Variants in AMDHD2 observed in about 807,000 individuals in gnomAD.
AMDHD2 encodes amidohydrolase domain containing 2.
Under a neutral mutation model 41.8 loss-of-function variants are expected in AMDHD2, and 24 were observed. That is an observed-to-expected ratio of 0.57 (90% CI 0.42 to 0.81). AMDHD2 has a LOEUF of 0.81. AMDHD2 is among the 30% of genes least tolerant of loss of function. The pLI is 0.00. For missense variants in AMDHD2, 540 were observed against 588.5 expected, an observed-to-expected ratio of 0.92 and a Z score of 0.85; for synonymous variants, 332 against 255.5, an observed-to-expected ratio of 1.30 and a Z score of -2.85.
chr16:2,530,274 TG>T lies in AMDHD2; in HGVS notation c.*712del, dbSNP rs1374039687. ...ATCCCCAGGCCCAGTGCTTGCCGGCTGTGGTGACCCTGCCTGGTGCTGGAGG... is the reference window on the plus strand; with the variant it reads ...ATCCCCAGGCCCAGTGCTTGCCGGCTTGGTGACCCTGCCTGGTGCTGGAGG... On this transcript the variant is annotated 3_prime_UTR_variant, in exon 11 of 11. Transcript: ENST00000293971. 2 of 1,612,640 alleles carry T rather than the reference TG, an allele frequency of 1.2e-6. No individual in the cohort carries two copies.
intron 3 of AMDHD2, among the ~76,000 whole-genome samples, chr16:2,524,137 C>A (rs1263087790): frequency 6.6e-6 from 1 of 152,238 alleles, no homozygotes; most frequent in Non-Finnish European, 1.5e-5. Flanking sequence ...AAACTGGAGG[C>A]CCCTTTTCAC....
Position 2,527,475 on chromosome 16 carries a change from T to G in AMDHD2, c.361-86T>G. ...GGGCTGGGTGCTGGGCTCTGAACTCTGACCTGAGATCTCTGGCCTTGGCTA... is the reference window on the plus strand; with the variant it reads ...GGGCTGGGTGCTGGGCTCTGAACTCGGACCTGAGATCTCTGGCCTTGGCTA... On this transcript the variant is annotated intron_variant, in intron 3 of 10. Transcript: ENST00000293971. The surrounding 1 kb of genome is among the most constrained non-coding windows in gnomAD (Gnocchi z 6.1). The G allele has an allele frequency of 6.8e-7, 1 of 1,477,454 alleles. No individual in the cohort carries two copies. Among genetic ancestry groups the G allele is most frequent in the South Asian group, 1.2e-5 (1 of 83,352 alleles). The allele number at this position is 1,477,454 out of a possible 1,614,324, so 91.5% of individuals were successfully genotyped here.
chr16:2,529,389 A>G (rs553849116), intron 10 of AMDHD2, 86 bp from the exon 11 acceptor site: 1 of 1,580,900 alleles, frequency 6.3e-7, no homozygotes, highest in East Asian at 2.2e-5. Flanking sequence ...CAGTTTCCCC[A>G]CCAGCGTCGG....
At chr16:2,521,174 C>A (rs754057845) in intron 3 of AMDHD2, 51 bp downstream of exon 3, 4 of 1,499,366 alleles carry the variant, frequency 2.7e-6, no homozygotes, top group Admixed American at 2.3e-5. Context: ...GAGCAACCAG[C>A]GCCCTCATTT....
intron 3 of AMDHD2, among the ~76,000 whole-genome samples, chr16:2,523,913 C>T (rs1334932596): frequency 6.6e-6 from 1 of 152,244 alleles, no homozygotes. Context: ...CCCCACTGTG[C>T]CCCCCACTGC....
Position 2,530,973 on chromosome 16 carries a change from C to T in AMDHD2, c.*1410C>T. The T allele has an allele frequency of 1.9e-6, 3 of 1,613,498 alleles. No individual in the cohort carries two copies. Among genetic ancestry groups the T allele is most frequent in the Non-Finnish European group, 2.5e-6 (3 of 1,179,920 alleles). On this transcript the variant is annotated 3_prime_UTR_variant, in exon 11 of 11. Coordinates refer to ENST00000293971, the MANE Select transcript of AMDHD2 (RefSeq NM_001330449.2). ...TGGGAGAGGAGCTGTCTTGCCAGGGCTCCCAGGCAGGGAGAGGCAGGTGAG... is the reference window on the plus strand; with the variant it reads ...TGGGAGAGGAGCTGTCTTGCCAGGGTTCCCAGGCAGGGAGAGGCAGGTGAG...
chr16:2,528,379 G>C lies in AMDHD2; in HGVS notation c.861G>C (p.Gln287His). ...ALRIAHRAHP[Q>H]GLVLVTDAIP... Reference sequence around the variant, plus strand: ...GGATCGCCCACCGTGCCCATCCCCAGGGTAAGCTGCGGCAGGTGGCCAGGA... The same window carrying C: ...GGATCGCCCACCGTGCCCATCCCCACGGTAAGCTGCGGCAGGTGGCCAGGA... Residue 287 changes from glutamine (Q) to histidine (H), a missense_variant and splice_region_variant, in exon 7 of 11, where the codon CAG becomes CAC. Gln to His is a conservative substitution (Grantham distance 24, BLOSUM62 0). Coordinates refer to ENST00000293971, the MANE Select transcript of AMDHD2 (RefSeq NM_001330449.2). The C allele has an allele frequency of 2.5e-6, 4 of 1,612,950 alleles. No homozygotes were observed. Among genetic ancestry groups the C allele is most frequent in the Non-Finnish European group, 3.4e-6 (4 of 1,179,940 alleles).
intron 3 of AMDHD2, among the ~76,000 whole-genome samples, chr16:2,526,517 T>C (rs1802074642): frequency 6.6e-6 from 1 of 152,114 alleles, no homozygotes; most frequent in South Asian, 2.1e-4. Context: ...TGGGGGTCAC[T>C]TCCCCCACTG....
chr16:2,522,009 CT>C (rs2065946798), intron 3 of AMDHD2, among the ~76,000 whole-genome samples: 1 of 152,114 alleles, frequency 6.6e-6, no homozygotes, highest in Non-Finnish European at 1.5e-5. Context: ...TGGTCTCGAT[CT>C]CCTGACCTCG....
At chr16:2,525,543 T>TTTTA (rs1361293615) in intron 3 of AMDHD2, among the ~76,000 whole-genome samples, 2 of 151,374 alleles carry the variant, frequency 1.3e-5, no homozygotes, top group Non-Finnish European at 2.9e-5. Context: ...ATTTATTTAT[T>TTTTA]TTTATTTATT....
chr16:2,521,880 G>C (rs1024342383), intron 3 of AMDHD2, among the ~76,000 whole-genome samples: 1 of 151,284 alleles, frequency 6.6e-6, no homozygotes. Context: ...GCCCCCCAGG[G>C]TTCACGCCAT....
chr16:2,525,499 T>A (rs1288386815), intron 3 of AMDHD2, among the ~76,000 whole-genome samples: 1 of 152,068 alleles, frequency 6.6e-6, no homozygotes, highest in Non-Finnish European at 1.5e-5. Flanking sequence ...CCTGAGTAGC[T>A]GGGACTACAG....
In AMDHD2 at chr16:2,521,940, T is replaced by G. The variant is rs957540612; in HGVS notation, c.360+817T>G. Among the ~76,000 whole-genome samples the G allele has an allele frequency of 2.0e-5, 3 of 151,938 alleles. No individual in the cohort carries two copies. The South Asian group carries it at 6.3e-4, about 32-fold the overall frequency. Reference sequence around the variant, plus strand: ...GCTGGGACTACAGGTGCCCGCCACCTCGCCCGGCTAATTTTTTGTATTTTT... The same window carrying G: ...GCTGGGACTACAGGTGCCCGCCACCGCGCCCGGCTAATTTTTTGTATTTTT... On this transcript the variant is annotated intron_variant, in intron 3 of 10. Coordinates refer to ENST00000293971, the MANE Select transcript of AMDHD2 (RefSeq NM_001330449.2).
At position 2,527,656 on chromosome 16, in the gene AMDHD2, T is replaced by C. The variant is rs891208062; in HGVS notation, c.415+41T>C. 6.3e-7 allele frequency: 1 copy of C among 1,590,178 alleles called. No individual in the cohort carries two copies. ...CCTCCCCGCCCCCACCCTGGGAGGCTCCTGCGGGACCTGTTGGCAGCCCCC... is the reference window on the plus strand; with the variant it reads ...CCTCCCCGCCCCCACCCTGGGAGGCCCCTGCGGGACCTGTTGGCAGCCCCC... On this transcript the variant is annotated intron_variant, in intron 4 of 10. Coordinates refer to ENST00000293971, the MANE Select transcript of AMDHD2 (RefSeq NM_001330449.2). This position sits in a 1 kb window ranked among gnomAD's most constrained non-coding sequence, Gnocchi z 6.1.
rs2066038561 is a variant in AMDHD2 at position 2,528,514 on chromosome 16, G to T, written c.925G>T (p.Gly309Ter). The T allele has an allele frequency of 6.2e-7, 1 of 1,612,866 alleles. No individual in the cohort carries two copies. Among genetic ancestry groups the T allele is most frequent in the African/African-American group, 1.3e-5 (1 of 75,048 alleles). ...LGLGNGRHTL[G>*]QQEVEVDGLT... ...CCTGGGCAACGGCCGGCACACGCTG[G>T]GACAGCAGGAAGTGGAAGTGGACGG... is the stretch of plus-strand genomic sequence containing the variant. Residue 309 changes from glycine (G) to a stop codon, truncating the protein, a stop_gained, in exon 8 of 11, where the codon GGA becomes TGA. Transcript: ENST00000293971. LOFTEE classifies it high-confidence loss of function.
chr16:2,527,130 CG>C lies in AMDHD2; in HGVS notation c.361-430del, dbSNP rs1567130930. 1 of 218,198 alleles carries C rather than the reference CG, an allele frequency of 4.6e-6. No individual in the cohort carries two copies. Among genetic ancestry groups the C allele is most frequent in the East Asian group, 1.5e-4 (1 of 6,492 alleles). The allele number at this position is 218,198 out of a possible 1,614,324, so 13.5% of individuals were successfully genotyped here. ...TGTGTGGTGTGAGCCCGTGTCCCCC[CG>C]TTCCCTGACACACTCGGTCTTCCTG... On this transcript the variant is annotated intron_variant, in intron 3 of 10. Coordinates refer to ENST00000293971, the MANE Select transcript of AMDHD2 (RefSeq NM_001330449.2). The surrounding 1 kb of genome is among the most constrained non-coding windows in gnomAD (Gnocchi z 6.1).
chr16:2,524,847 C>T (rs367901398), intron 3 of AMDHD2, among the ~76,000 whole-genome samples: 2 of 152,228 alleles, frequency 1.3e-5, no homozygotes, highest in Admixed American at 6.5e-5. Flanking sequence ...TAGCCCCTTT[C>T]TCTCCTCTCA....
chr16:2,529,417 C>T (rs2066054897), intron 10 of AMDHD2, 58 bp from the exon 11 acceptor site: 1 of 1,599,452 alleles, frequency 6.3e-7, no homozygotes, highest in Admixed American at 1.7e-5. Flanking sequence ...GGGAGCAGCT[C>T]TGGGGTAGGT....
chr16:2,528,580 G>T (rs1338111098), intron 8 of AMDHD2, 21 bp downstream of exon 8: 1 of 1,612,624 alleles, frequency 6.2e-7, no homozygotes, highest in Non-Finnish European at 8.5e-7. Flanking sequence ...TGACCCACTG[G>T]GTCCCAGGTC....
Sources: gnomAD v4.1 joint callset for allele counts (sites outside exome capture counted in the v4.1 genomes callset) on GRCh38, gnomAD v4.1.1 for gene constraint, Gnocchi (gnomAD v3.1) non-coding constraint, MANE v1.5 for transcripts, NCBI Gene and HGNC (gene_info 2026-07-23, HGNC 2026-07-21) for gene names.